Variants in MPRIP observed in about 807,000 individuals in gnomAD.
The protein encoded by MPRIP is myosin phosphatase Rho-interacting protein.
In MPRIP, 59 loss-of-function variants were observed where a neutral mutation model predicts 234.9. The ratio of observed to expected loss-of-function variants is 0.25; its 90% confidence interval spans 0.20 to 0.31. MPRIP has a LOEUF of 0.31. Among genes scored for constraint, MPRIP ranks in the 10% least tolerant of loss-of-function variants. The pLI, the probability that MPRIP is intolerant of heterozygous loss-of-function variation, is 1.00. For synonymous variants in MPRIP, 1,144 were observed against 1,263.9 expected (o/e 0.91, Z 2.01); for missense variants, 2,436 against 3,071.0 (o/e 0.79, Z 4.89).
chr17:17,073,403 G>T (rs1160709772), intron 1 of MPRIP, among the ~76,000 whole-genome samples: 1 of 152,178 alleles, frequency 6.6e-6, no homozygotes, highest in Non-Finnish European at 1.5e-5. Context: ...TGAGACCAGG[G>T]CTCGGGTTCT....
chr17:17,078,123 C>A lies in MPRIP; in HGVS notation c.267+47C>A, dbSNP rs767957112. Reference sequence around the variant, plus strand: ...TCCCTGTCCCCAGCCTTCACCAAGTCCCTCCATTACAGTGCCCTTGCGTTG... The same window carrying A: ...TCCCTGTCCCCAGCCTTCACCAAGTACCTCCATTACAGTGCCCTTGCGTTG... On this transcript the variant is annotated intron_variant, in intron 3 of 23. Transcript: ENST00000651222. The surrounding 1 kb of genome is among the most constrained non-coding windows in gnomAD (Gnocchi z 4.3). The A allele has an allele frequency of 1.9e-5, 31 of 1,593,068 alleles. No individual in the cohort carries two copies. The Admixed American group carries it at 4.7e-4, about 24-fold the overall frequency.
At chr17:17,121,597 C>G (rs557954794) in intron 3 of MPRIP, among the ~76,000 whole-genome samples, 3 of 152,196 alleles carry the variant, frequency 2.0e-5, no homozygotes, top group Admixed American at 6.5e-5. Flanking sequence ...TTGCTGCTTC[C>G]CCATCGGCAG....
At chr17:17,082,929 C>T (rs75798638) in intron 3 of MPRIP, among the ~76,000 whole-genome samples, 2,434 of 152,294 alleles carry the variant, frequency 0.016, 61 homozygotes, top group African/African-American at 0.055. Flanking sequence ...TGGTTGGTGT[C>T]AGAATTTCCT....
chr17:17,152,359 G>A (rs1020931118), intron 12 of MPRIP, among the ~76,000 whole-genome samples: 5 of 152,238 alleles, frequency 3.3e-5, no homozygotes, highest in Non-Finnish European at 5.9e-5. Flanking sequence ...CCTGAAGTCT[G>A]AGAACTCACC....
At chr17:17,124,303 C>CAA (rs1169449464) in intron 3 of MPRIP, among the ~76,000 whole-genome samples, 2 of 152,184 alleles carry the variant, frequency 1.3e-5, no homozygotes, top group African/African-American at 4.8e-5. Context: ...ACAGTGGCCT[C>CAA]AAAGTGGGGT....
intron 1 of MPRIP, among the ~76,000 whole-genome samples, chr17:17,045,937 C>T (rs149907884): frequency 6.6e-6 from 1 of 151,934 alleles, no homozygotes; most frequent in Admixed American, 6.6e-5. Flanking sequence ...TCCCGAGTAG[C>T]TGGGACTACA....
intron 7 of MPRIP, among the ~76,000 whole-genome samples, chr17:17,140,880 C>T (rs990872639): frequency 2.0e-5 from 3 of 152,160 alleles, no homozygotes; most frequent in Admixed American, 1.3e-4. Flanking sequence ...CCCTGGGAAC[C>T]CTGGAGCTGC....
chr17:17,190,698 G>A lies in MPRIP; in HGVS notation c.*5804G>A, dbSNP rs1260872230. 2.0e-5 allele frequency: 3 copies of A among 152,162 alleles called. No individual in the cohort carries two copies. The highest frequency in any genetic ancestry group is 3.8e-4 in the East Asian group (2 of 5,204). The allele number at this position is 152,162 out of a possible 1,614,324, so 9.4% of individuals were successfully genotyped here. On this transcript the variant is annotated 3_prime_UTR_variant, in exon 24 of 24. Transcript: ENST00000651222. Reference sequence around the variant, plus strand: ...AAGAAAAGGCTCTTGGCAGGGTAGGGGAGTCAGTAGCTCAACACTAGATCA... The same window carrying A: ...AAGAAAAGGCTCTTGGCAGGGTAGGAGAGTCAGTAGCTCAACACTAGATCA...
chr17:17,089,609 A>G (rs1258836337), intron 3 of MPRIP, among the ~76,000 whole-genome samples: 1 of 152,050 alleles, frequency 6.6e-6, no homozygotes, highest in African/African-American at 2.4e-5. Context: ...CTGGGATTAC[A>G]GATGCTCCGG....
rs2046034377 is a variant in MPRIP at position 17,167,706 on chromosome 17, C to T, written c.6115C>T (p.Gln2039Ter). ...RCLQDTLCLH[Q>*]GPHPKALPAP... is the part of the protein sequence containing the mutation. ...CCTTCAGGACACCCTCTGCCTCCACCAGGGGCCACACCCCAAGGCCCTGCC... is the reference window on the plus strand; with the variant it reads ...CCTTCAGGACACCCTCTGCCTCCACTAGGGGCCACACCCCAAGGCCCTGCC... Residue 2039 changes from glutamine (Q) to a stop codon, truncating the protein, a stop_gained, in exon 16 of 24, where the codon CAG (glutamine) becomes TAG (stop). Coordinates refer to ENST00000651222, the MANE Select transcript of MPRIP (RefSeq NM_001364716.4). LOFTEE classifies it high-confidence loss of function. This position sits in a 1 kb window ranked among gnomAD's most constrained non-coding sequence, Gnocchi z 5.9. 2 of 1,304,046 alleles carry T rather than the reference C, an allele frequency of 1.5e-6. No individual in the cohort carries two copies. Among genetic ancestry groups the T allele is most frequent in the South Asian group, 2.5e-5 (2 of 81,030 alleles). The allele number at this position is 1,304,046 out of a possible 1,614,324, so 80.8% of individuals were successfully genotyped here. A position where few individuals can be genotyped will look rare whatever the true frequency, so the allele number is the denominator to read the frequency against.
At chr17:17,069,022 A>T (rs2089126850) in intron 1 of MPRIP, among the ~76,000 whole-genome samples, 1 of 152,108 alleles carries the variant, frequency 6.6e-6, no homozygotes, top group South Asian at 2.1e-4. Context: ...ATTGAGAGGG[A>T]TGTTGAAGTC....
chr17:17,042,752 G>C lies in MPRIP; in HGVS notation c.-97G>C. 1.2e-6 allele frequency: 1 copy of C among 827,872 alleles called. No individual in the cohort carries two copies. Among genetic ancestry groups the C allele is most frequent in the Non-Finnish European group, 1.3e-6 (1 of 756,480 alleles). The allele number at this position is 827,872 out of a possible 1,614,324, so 51.3% of individuals were successfully genotyped here. ...CGGGCCTGCGGCGGGGCCGGCGAGG[G>C]ATGCGGCGCGGCCGCGCTGAGCCCC... is the stretch of plus-strand genomic sequence containing the variant. On this transcript the variant is annotated 5_prime_UTR_variant, in exon 1 of 24. Transcript: ENST00000651222.
intron 5 of MPRIP, among the ~76,000 whole-genome samples, 188 bp downstream of exon 5, chr17:17,131,889 G>A (rs2090603893): frequency 6.6e-6 from 1 of 152,218 alleles, no homozygotes; most frequent in Admixed American, 6.5e-5. Context: ...AACCACAACA[G>A]GGACAGGGTG....
In MPRIP at chr17:17,138,885, A is replaced by C. The variant is rs533381954; in HGVS notation, c.1250+456A>C. Among the ~76,000 whole-genome samples the C allele has an allele frequency of 3.4e-4, 52 of 152,192 alleles. No homozygotes were observed. Among genetic ancestry groups the C allele is most frequent in the Non-Finnish European group, 7.2e-4 (49 of 68,024 alleles). On this transcript the variant is annotated intron_variant, in intron 7 of 23. Transcript: ENST00000651222. The surrounding 1 kb of genome is among the most constrained non-coding windows in gnomAD (Gnocchi z 5.8). Reference sequence around the variant, plus strand: ...CTGAGAGGTTCAGAGGCAGACAGGCATGCCCAGGAAGGTGGGGGCAGCACA... The same window carrying C: ...CTGAGAGGTTCAGAGGCAGACAGGCCTGCCCAGGAAGGTGGGGGCAGCACA...
intron 9 of MPRIP, among the ~76,000 whole-genome samples, chr17:17,145,250 T>G (rs2045433197): frequency 6.6e-6 from 1 of 152,222 alleles, no homozygotes; most frequent in South Asian, 2.1e-4. Flanking sequence ...TTCTTGCCTG[T>G]TCTCACTCTC....
intron 23 of MPRIP, among the ~76,000 whole-genome samples, chr17:17,184,508 GT>G (rs2046434776): frequency 1.3e-5 from 2 of 152,228 alleles, no homozygotes; most frequent in South Asian, 4.1e-4. Context: ...TCATTGCACT[GT>G]TTTCCCTGGC....
In MPRIP at chr17:17,137,949, G is replaced by A. The variant is rs936337288; in HGVS notation, c.770G>A (p.Cys257Tyr). The A allele has an allele frequency of 1.2e-6, 2 of 1,612,088 alleles. No homozygotes were observed. The highest frequency in any genetic ancestry group is 1.3e-5 in the African/African-American group (1 of 74,824). ...ESAMSSDRMD[C>Y]GRKVRVESGY... ...GCCATGAGTAGCGACCGCATGGACT[G>A]TGGCCGCAAAGTCCGGGTGGAGAGC... is the stretch of plus-strand genomic sequence containing the variant. Residue 257 changes from cysteine (C) to tyrosine (Y), a missense_variant, in exon 7 of 24, where the codon TGT (cysteine) becomes TAT (tyrosine). Physicochemically the swap from Cys to Tyr is radical, Grantham distance 194 (BLOSUM62 -2). Transcript: ENST00000651222.
intron 1 of MPRIP, among the ~76,000 whole-genome samples, chr17:17,044,194 C>T (rs1403509035): frequency 6.6e-6 from 1 of 152,188 alleles, no homozygotes; most frequent in African/African-American, 2.4e-5. Context: ...CTCAAGGCTG[C>T]AAAGTCATAG....
At chr17:17,091,930 G>C (rs1404508652) in intron 3 of MPRIP, among the ~76,000 whole-genome samples, 2 of 152,176 alleles carry the variant, frequency 1.3e-5, no homozygotes, top group Non-Finnish European at 2.9e-5. Flanking sequence ...TATAAACATC[G>C]ACATCTGGGA....
Sources: allele counts gnomAD v4.1 joint callset (sites outside exome capture counted in the v4.1 genomes callset), GRCh38; gene constraint gnomAD v4.1.1; non-coding constraint Gnocchi (gnomAD v3.1); transcripts MANE v1.5; gene names NCBI Gene and HGNC (gene_info 2026-07-23, HGNC 2026-07-21).